The following PDZD11 variants were observed in gnomAD, a reference collection of about 807,000 sequenced individuals.
The protein encoded by PDZD11 is PDZ domain-containing protein 11.
In PDZD11, 2 loss-of-function variants were observed where a neutral mutation model predicts 13.7. The ratio of observed to expected loss-of-function variants is 0.15; its 90% CI spans 0.06 to 0.46. PDZD11 has a LOEUF of 0.46. Among genes scored for constraint, PDZD11 ranks in the 20% least tolerant of loss-of-function variants. The pLI is 0.98. For synonymous variants in PDZD11, 32 were observed against 37.5 expected (o/e 0.85, Z 0.54); for missense variants, 44 against 111.7 (o/e 0.39, Z 2.73).
rs919018544 is a variant in PDZD11 at position 70,286,999 on chromosome X, G to A, written c.*83C>T. On this transcript the variant is annotated 3_prime_UTR_variant, in exon 7 of 7. Transcript: ENST00000239666. ...CTCCCAACTCACTATTCCAGGGAGG[G>A]GCTGAAAACAGAAGTGGCTCCCCTG... The A allele has an allele frequency of 2.3e-6, 2 of 868,412 alleles. No individual in the cohort carries two copies. The highest frequency in any genetic ancestry group is 3.3e-6 in the Non-Finnish European group (2 of 605,527). The allele number at this position is 868,412 out of a possible 1,213,427, so 71.6% of individuals were successfully genotyped here. A position where few individuals can be genotyped will look rare whatever the true frequency, so the allele number is the denominator to read the frequency against.
chrX:70,287,369 G>A (rs371639315), intron 5 of PDZD11, 33 bp from the exon 6 acceptor site: 76 of 1,144,173 alleles, frequency 6.6e-5, no homozygotes, highest in Admixed American at 1.1e-4. Flanking sequence ...TACAAATGAA[G>A]AGATATGACC....
intron 5 of PDZD11, 36 bp from the exon 6 acceptor site, chrX:70,287,372 A>C: frequency 8.9e-7 from 1 of 1,127,201 alleles, no homozygotes; most frequent in Non-Finnish European, 1.2e-6. Context: ...AAATGAAGAG[A>C]TATGACCCAA....
At chrX:70,287,177 A>G in intron 6 of PDZD11, 61 bp from the exon 7 acceptor site, 1 of 1,155,514 alleles carries the variant, frequency 8.7e-7, no homozygotes, top group Non-Finnish European at 1.2e-6. Context: ...TGAGCTCCTG[A>G]TTCCCTATCC....
rs748302036 is a variant in PDZD11, at chrX:70,288,453, G to C, written c.148C>G (p.Leu50Val). ...LTQFLPRTIT[L>V]KKPPGAQLGF... The stretch of plus-strand genomic sequence containing the variant: ...ACCTGAGCTCCAGGAGGCTTCTTCA[G>C]TGTGATGGTTCGGGGCAGAAACTGG... Residue 50 changes from leucine (L) to valine (V), a missense_variant, in exon 3 of 7, where the codon CTG becomes GTG. By Grantham distance (32) the Leu-to-Val change is conservative (BLOSUM62 1). Coordinates refer to ENST00000239666, the MANE Select transcript of PDZD11 (RefSeq NM_016484.5). The C allele has an allele frequency of 1.7e-6, 2 of 1,210,952 alleles. No homozygotes were observed. The highest frequency in any genetic ancestry group is 1.1e-6 in the Non-Finnish European group (1 of 894,641).
Position 70,288,135 on chromosome X carries a change from T to C in PDZD11, c.210A>G (p.Leu70=), listed in dbSNP as rs1569226016. 1 of 1,208,737 alleles carries C rather than the reference T, an allele frequency of 8.3e-7. No individual in the cohort carries two copies. Among genetic ancestry groups the C allele is most frequent in the African/African-American group, 1.7e-5 (1 of 57,771 alleles). Reference sequence around the variant, plus strand: ...TAAATACCTTGGAGATGAAGATGCCTAGCTGGGAGGCCTTTCCTCCTCGGA... The same window carrying C: ...TAAATACCTTGGAGATGAAGATGCCCAGCTGGGAGGCCTTTCCTCCTCGGA... ...FNIRGGKASQ[L]GIFISKVIPD... Residue 70 remains leucine (L), a synonymous_variant, in exon 4 of 7, where the codon CTA becomes CTG. Transcript: ENST00000239666.
chrX:70,288,644 C>T, intron 2 of PDZD11, 131 bp from the exon 3 acceptor site: 1 of 492,535 alleles, frequency 2.0e-6, no homozygotes, highest in South Asian at 3.3e-5. Context: ...GAACAGATAA[C>T]ACAGACTAAA....
Position 70,289,370 on chromosome X carries a change from A to C in PDZD11, c.-13-16T>G. On this transcript the variant is annotated splice_polypyrimidine_tract_variant and intron_variant, in intron 1 of 6. Coordinates refer to ENST00000239666, the MANE Select transcript of PDZD11 (RefSeq NM_016484.5). ...GGGCAAGGCCCTGGAAGAGTGAATC[A>C]GAACAGACAAAAAGTGGTTCAAAAG... 1.7e-6 allele frequency: 2 copies of C among 1,196,787 alleles called. No individual in the cohort carries two copies. Among genetic ancestry groups the C allele is most frequent in the Non-Finnish European group, 2.3e-6 (2 of 887,076 alleles).
At position 70,286,871 on chromosome X, in the gene PDZD11, A is replaced by G. The variant is rs1434625126; in HGVS notation, c.*211T>C. On this transcript the variant is annotated 3_prime_UTR_variant, in exon 7 of 7. Transcript: ENST00000239666. ...TCCTCACAGGCTAGGTTATGCCTAG[A>G]TATCATCATCCTCCTTTCAGGGAAT... 2.9e-5 allele frequency: 13 copies of G among 442,002 alleles called. No homozygotes were observed. Among genetic ancestry groups the G allele is most frequent in the Non-Finnish European group, 4.4e-5 (11 of 249,715 alleles). The allele number at this position is 442,002 out of a possible 1,213,427, so 36.4% of individuals were successfully genotyped here. A position where few individuals can be genotyped will look rare whatever the true frequency, so the allele number is the denominator to read the frequency against.
At position 70,289,330 on chromosome X, in the gene PDZD11, C is replaced by G; in HGVS notation, c.12G>C (p.Arg4=). The change falls in exon 2 of 7, where the codon CGG becomes CGC. Residue 4 remains arginine, a synonymous_variant. Transcript: ENST00000239666. The stretch of plus-strand genomic sequence containing the variant: ...CCACCGGGTAGTCATCATAAGGAAT[C>G]CGGCTGTCCATCTCGGGCAAGGCCC... MDS[R]IPYDDYPVVF... 1 of 1,208,731 alleles carries G rather than the reference C, an allele frequency of 8.3e-7. No individual in the cohort carries two copies. Among genetic ancestry groups the G allele is most frequent in the Non-Finnish European group, 1.1e-6 (1 of 893,876 alleles).
intron 5 of PDZD11, 42 bp from the exon 6 acceptor site, chrX:70,287,378 C>T (rs1254685764): frequency 9.1e-7 from 1 of 1,099,811 alleles, no homozygotes; most frequent in Admixed American, 2.2e-5. Flanking sequence ...AGAGATATGA[C>T]CCAAGACAGA....
chrX:70,289,427 CT>C (rs1386511024), intron 1 of PDZD11, 73 bp from the exon 2 acceptor site: 2 of 1,163,886 alleles, frequency 1.7e-6, no homozygotes, highest in Non-Finnish European at 2.3e-6. Flanking sequence ...CAGACAGCAG[CT>C]CCAACCCATT....
chrX:70,288,083 G>A, intron 4 of PDZD11, 34 bp downstream of exon 4: 1 of 1,119,875 alleles, frequency 8.9e-7, no homozygotes, highest in Admixed American at 2.2e-5. Context: ...ACAAAGGGAA[G>A]TAACGATCCA....
chrX:70,289,337 T>C lies in PDZD11; in HGVS notation c.5A>G (p.Asp2Gly). The C allele has an allele frequency of 8.3e-7, 1 of 1,207,782 alleles. No individual in the cohort carries two copies. The highest frequency in any genetic ancestry group is 1.1e-6 in the Non-Finnish European group (1 of 893,283). ...GTAGTCATCATAAGGAATCCGGCTG[T>C]CCATCTCGGGCAAGGCCCTGGAAGA... is the stretch of plus-strand genomic sequence containing the variant. M[D>G]SRIPYDDYPV... Residue 2 changes from aspartate (D) to glycine (G), a missense_variant, in exon 2 of 7, where the codon GAC (aspartate) becomes GGC (glycine). Coordinates refer to ENST00000239666, the MANE Select transcript of PDZD11 (RefSeq NM_016484.5).
At chrX:70,288,831 A>G (rs914932984) in intron 2 of PDZD11, among the ~76,000 whole-genome samples, 2 of 109,045 alleles carry the variant, frequency 1.8e-5, no homozygotes, top group African/African-American at 3.3e-5. Context: ...CAGCCTCCCT[A>G]GTAGCTGGGA....
chrX:70,289,188 C>T, intron 2 of PDZD11, 67 bp downstream of exon 2: 3 of 907,501 alleles, frequency 3.3e-6, no homozygotes, highest in African/African-American at 2.0e-5. Context: ...GCTATCCTAC[C>T]TTTCATGCAT....
intron 3 of PDZD11, 29 bp downstream of exon 3, chrX:70,288,401 T>C (rs370367201): frequency 5.8e-5 from 68 of 1,167,447 alleles, no homozygotes; most frequent in Non-Finnish European, 7.6e-5. Context: ...TGGATGAATC[T>C]AGCCTGAAAT....
Position 70,288,476 on chromosome X carries a change from T to C in PDZD11, c.125A>G (p.Gln42Arg). The C allele has an allele frequency of 8.3e-7, 1 of 1,211,440 alleles. No homozygotes were observed. Among genetic ancestry groups the C allele is most frequent in the African/African-American group, 1.7e-5 (1 of 57,769 alleles). ...CAGTGTGATGGTTCGGGGCAGAAAC[T>C]GGGTCAACTCATTGTTGTAGTCCGG... ...HHPDYNNELT[Q>R]FLPRTITLKK... is the part of the protein sequence containing the mutation. The change falls in exon 3 of 7, where the codon CAG (glutamine) becomes CGG (arginine). Residue 42 changes from glutamine (Q) to arginine (R), a missense_variant. Gln to Arg is a conservative substitution (Grantham distance 43). Coordinates refer to ENST00000239666, the MANE Select transcript of PDZD11 (RefSeq NM_016484.5).
At position 70,288,149 on chromosome X, in the gene PDZD11, T is replaced by C; in HGVS notation, c.196A>G (p.Lys66Glu). The C allele has an allele frequency of 8.3e-7, 1 of 1,209,487 alleles. No individual in the cohort carries two copies. Among genetic ancestry groups the C allele is most frequent in the Non-Finnish European group, 1.1e-6 (1 of 893,572 alleles). Residue 66 changes from lysine (K) to glutamate (E), a missense_variant, in exon 4 of 7, where the codon AAG (lysine) becomes GAG (glutamate). Coordinates refer to ENST00000239666, the MANE Select transcript of PDZD11 (RefSeq NM_016484.5). The part of the protein sequence containing the change: ...AQLGFNIRGG[K>E]ASQLGIFISK... ...ATGAAGATGCCTAGCTGGGAGGCCT[T>C]TCCTCCTCGGATGTTAAATCCCAAC...
At chrX:70,289,577 C>T (rs2085745177) in intron 1 of PDZD11, 1 of 437,531 alleles carries the variant, frequency 2.3e-6, no homozygotes, top group African/African-American at 2.5e-5. Context: ...AGAAAGAGGA[C>T]CTCATTTTTC....
Sources: gnomAD v4.1 joint callset for allele counts (sites outside exome capture counted in the v4.1 genomes callset) on GRCh38, gnomAD v4.1.1 for gene constraint, MANE v1.5 for transcripts, NCBI Gene and HGNC (gene_info 2026-07-23, HGNC 2026-07-21) for gene names.